STXBP4: variants seen among roughly 807,000 people sequenced by gnomAD.
STXBP4 encodes the protein syntaxin-binding protein 4.
A neutral mutation model predicts 76.1 loss-of-function variants in STXBP4; 55 were observed. That is an observed-to-expected ratio of 0.72 (90% CI 0.58 to 0.91). STXBP4 has a LOEUF of 0.91. Among genes scored for constraint, STXBP4 ranks in the 40% least tolerant of loss-of-function variants. The probability of loss-of-function intolerance (pLI) is 0.00; values close to 1 mark genes in which losing one functional copy is unlikely to be tolerated. For missense variants in STXBP4, 618 were observed against 636.9 expected (o/e 0.97, Z 0.32); for synonymous variants, 201 against 220.2 (o/e 0.91, Z 0.77).
At chr17:55,090,708 G>A (rs141439465) in intron 16 of STXBP4, among the ~76,000 whole-genome samples, 4 of 151,956 alleles carry the variant, frequency 2.6e-5, no homozygotes, top group African/African-American at 4.8e-5. Context: ...ATTGTGAAAA[G>A]GTCCACAAAT....
At chr17:55,033,632 T>TA (rs1253493040) in intron 9 of STXBP4, among the ~76,000 whole-genome samples, 2 of 152,172 alleles carry the variant, frequency 1.3e-5, no homozygotes, top group Admixed American at 6.5e-5. Flanking sequence ...TTTTTCCTCT[T>TA]TGCCACGTGG....
intron 12 of STXBP4, among the ~76,000 whole-genome samples, chr17:55,058,865 CTAATT>C (rs1815166450): frequency 6.6e-6 from 1 of 151,926 alleles, no homozygotes; most frequent in South Asian, 2.1e-4. Context: ...CTTCTGGTGA[CTAATT>C]TTATTTATTT....
intron 8 of STXBP4, among the ~76,000 whole-genome samples, chr17:55,020,656 A>G (rs1933324): frequency 0.23 from 35,565 of 151,954 alleles, 4,640 homozygotes; most frequent in South Asian, 0.31. Flanking sequence ...TGTCTCTACT[A>G]AAAATACAAA....
rs146094716 is a variant in STXBP4, at chr17:55,040,427, G to A, written c.856-2809G>A. On this transcript the variant is annotated intron_variant, in intron 10 of 17. Coordinates refer to ENST00000376352, the MANE Select transcript of STXBP4 (RefSeq NM_178509.6). ...AATTTTATAAGGAAAGAAGGTAATT[G>A]AATAGGTCTCTAATGGAAGGCCTTA... 2.8e-3 allele frequency among the ~76,000 whole-genome samples: 429 copies of A among 152,216 alleles called. 1 individual carries two copies. The highest frequency in any genetic ancestry group is 0.014 in the Middle Eastern group (4 of 294).
chr17:54,978,832 A>G (rs978286891), intron 1 of STXBP4, among the ~76,000 whole-genome samples: 1 of 152,176 alleles, frequency 6.6e-6, no homozygotes, highest in Non-Finnish European at 1.5e-5. Context: ...TACATTTTAT[A>G]TTTTTAATAA....
In STXBP4 at chr17:54,990,790, G is replaced by A; in HGVS notation, c.48-35G>A. 3.2e-6 allele frequency: 5 copies of A among 1,570,042 alleles called. No individual in the cohort carries two copies. The South Asian group carries it at 6.1e-5, about 19-fold the overall frequency. On this transcript the variant is annotated intron_variant, in intron 3 of 17. Transcript: ENST00000376352. Reference sequence around the variant, plus strand: ...AGAAAAAAATAGGTGCAGATCTCTAGACTAACCTGTGTGTGCTAATTTACT... The same window carrying A: ...AGAAAAAAATAGGTGCAGATCTCTAAACTAACCTGTGTGTGCTAATTTACT...
the STXBP4 span, among the ~76,000 whole-genome samples, chr17:55,200,723 A>C: frequency 1.3e-3 from 196 of 152,324 alleles, 4 homozygotes; most frequent in South Asian, 0.038. Context: ...GATGATTTTC[A>C]GAGGAATCTA....
chr17:55,035,944 C>G (rs556487229), intron 10 of STXBP4, among the ~76,000 whole-genome samples: 1 of 151,934 alleles, frequency 6.6e-6, no homozygotes, highest in East Asian at 1.9e-4. Context: ...AATGTGTATA[C>G]ATTGTGGAAT....
At chr17:55,066,359 G>A (rs2144843975) in intron 12 of STXBP4, among the ~76,000 whole-genome samples, 1 of 152,044 alleles carries the variant, frequency 6.6e-6, no homozygotes, top group East Asian at 1.9e-4. Flanking sequence ...AAGTAGCCGG[G>A]GTTACAGGGT....
the STXBP4 span, among the ~76,000 whole-genome samples, chr17:55,192,989 T>G: frequency 6.6e-6 from 1 of 152,288 alleles, no homozygotes; most frequent in African/African-American, 2.4e-5. Context: ...ACCATGCACT[T>G]AACCACTGCA....
chr17:55,097,658 A>G (rs571580073), intron 16 of STXBP4, among the ~76,000 whole-genome samples: 4 of 140,348 alleles, frequency 2.9e-5, no homozygotes, highest in Admixed American at 2.1e-4. Context: ...GCAAGACTCC[A>G]TCTCAAAAAA....
intron 10 of STXBP4, among the ~76,000 whole-genome samples, chr17:55,041,346 A>G (rs1393436828): frequency 6.6e-6 from 1 of 150,378 alleles, no homozygotes; most frequent in Non-Finnish European, 1.5e-5. Flanking sequence ...TTTCCTGAAT[A>G]GCTGGAACTA....
At chr17:55,001,835 T>C (rs566348252) in intron 7 of STXBP4, among the ~76,000 whole-genome samples, 25 of 152,312 alleles carry the variant, frequency 1.6e-4, no homozygotes, top group African/African-American at 5.5e-4. Context: ...CGTTTCACCA[T>C]GTTAGCCAGG....
intron 7 of STXBP4, among the ~76,000 whole-genome samples, chr17:55,004,696 G>C (rs1344140777): frequency 1.3e-5 from 2 of 151,556 alleles, no homozygotes; most frequent in African/African-American, 4.9e-5. Context: ...GCAAGACCAA[G>C]ACGCCTCTAA....
chr17:55,149,787 G>T (rs1936192439), intron 17 of STXBP4, among the ~76,000 whole-genome samples: 1 of 152,160 alleles, frequency 6.6e-6, no homozygotes, highest in Non-Finnish European at 1.5e-5. Context: ...TACCTACAAA[G>T]ATATGTAGGA....
intron 12 of STXBP4, among the ~76,000 whole-genome samples, chr17:55,065,823 T>C (rs1039214929): frequency 2.0e-5 from 3 of 152,222 alleles, no homozygotes; most frequent in Admixed American, 6.5e-5. Flanking sequence ...TTTCTTTGAT[T>C]TTCTTTGATG....
intron 16 of STXBP4, among the ~76,000 whole-genome samples, chr17:55,091,915 C>T (rs1053909275): frequency 5.3e-5 from 8 of 152,102 alleles, no homozygotes; most frequent in African/African-American, 1.7e-4. Context: ...GTCTTGGGTC[C>T]CATTCCTAAG....
At chr17:54,986,081 T>C (rs972447314) in intron 2 of STXBP4, 61 bp from the exon 3 acceptor site, 3 of 715,000 alleles carry the variant, frequency 4.2e-6, no homozygotes, top group South Asian at 1.7e-5. Context: ...TTATGAACAG[T>C]TGGAATCAAA....
intron 17 of STXBP4, 146 bp downstream of exon 17, chr17:55,141,513 T>C: frequency 1.7e-6 from 1 of 600,738 alleles, no homozygotes; most frequent in Non-Finnish European, 2.8e-6. Flanking sequence ...CATTTTCGTT[T>C]CATGTGATTT....
Sources: gnomAD v4.1 joint callset for allele counts (sites outside exome capture counted in the v4.1 genomes callset) on GRCh38, gnomAD v4.1.1 for gene constraint, MANE v1.5 for transcripts, NCBI Gene and HGNC (gene_info 2026-07-23, HGNC 2026-07-21) for gene names.